Variants in DCP1A observed in about 807,000 individuals in gnomAD.
The protein encoded by DCP1A is decapping mRNA 1A.
A neutral mutation model predicts 58.0 loss-of-function variants in DCP1A; 20 were observed. That is an observed-to-expected ratio of 0.34 (90% CI 0.24 to 0.50). The LOEUF is 0.50. Ranked by LOEUF, DCP1A falls within the 20% of genes least tolerant of loss-of-function variation. The pLI is 0.98. For synonymous variants in DCP1A, 285 were observed against 275.1 expected (o/e 1.04, Z -0.36); for missense variants, 613 against 712.2 (o/e 0.86, Z 1.59).
At chr3:53,332,274 G>C (rs1238601031) in intron 3 of DCP1A, among the ~76,000 whole-genome samples, 2 of 152,192 alleles carry the variant, frequency 1.3e-5, no homozygotes, top group African/African-American at 2.4e-5. Flanking sequence ...TGATGGGAGA[G>C]ATTTTTAGTC....
chr3:53,297,651 C>T (rs1417807263), intron 6 of DCP1A, among the ~76,000 whole-genome samples: 1 of 152,096 alleles, frequency 6.6e-6, no homozygotes, highest in Non-Finnish European at 1.5e-5. Flanking sequence ...CCGTGCCTGG[C>T]CAACAAGACT....
intron 3 of DCP1A, among the ~76,000 whole-genome samples, chr3:53,340,760 T>G (rs2089190338): frequency 6.6e-6 from 1 of 152,224 alleles, no homozygotes; most frequent in Non-Finnish European, 1.5e-5. Flanking sequence ...ATATCCATAC[T>G]AATACACTGG....
chr3:53,302,064 C>G (rs1208500373), intron 6 of DCP1A, among the ~76,000 whole-genome samples: 4 of 152,078 alleles, frequency 2.6e-5, no homozygotes, highest in African/African-American at 9.7e-5. Context: ...AGCATCTTGA[C>G]TGTGGTAGTG....
intron 6 of DCP1A, among the ~76,000 whole-genome samples, chr3:53,299,579 G>C (rs1303099112): frequency 6.6e-6 from 1 of 152,144 alleles, no homozygotes; most frequent in Non-Finnish European, 1.5e-5. Flanking sequence ...CTATAAGATA[G>C]GCACTATTCT....
intron 3 of DCP1A, among the ~76,000 whole-genome samples, chr3:53,323,516 C>G (rs1462165217): frequency 6.6e-6 from 1 of 152,096 alleles, no homozygotes; most frequent in Non-Finnish European, 1.5e-5. Context: ...AATTCGTTTT[C>G]CTTCAATAAG....
At position 53,291,964 on chromosome 3, in the gene DCP1A, C is replaced by T. The variant is rs1400904500; in HGVS notation, c.1383+105G>A. On this transcript the variant is annotated intron_variant, in intron 7 of 9. Coordinates refer to ENST00000610213, the MANE Select transcript of DCP1A (RefSeq NM_018403.7). ...CCTCTGACATACTTTAAAGGGACAA[C>T]TCTAAAAATTGTCATGTCATGACAG... The T allele has an allele frequency of 3.2e-6, 4 of 1,261,852 alleles. No individual in the cohort carries two copies. The African/African-American group carries it at 6.0e-5, about 19-fold the overall frequency. 78.2% of individuals were successfully genotyped at this position (1,261,852 alleles called of 1,614,324 possible). A position where few individuals can be genotyped will look rare whatever the true frequency, so the allele number is the denominator to read the frequency against.
intron 6 of DCP1A, among the ~76,000 whole-genome samples, chr3:53,299,617 A>AGTT (rs1707247491): frequency 2.6e-5 from 4 of 152,216 alleles, no homozygotes; most frequent in Admixed American, 1.3e-4. Flanking sequence ...CAATAACAAA[A>AGTT]TACACTACAG....
intron 3 of DCP1A, among the ~76,000 whole-genome samples, chr3:53,323,657 G>A (rs1373881179): frequency 1.3e-5 from 2 of 151,906 alleles, no homozygotes; most frequent in Admixed American, 1.3e-4. Context: ...CACCTGAGGT[G>A]AGGAGACCAG....
At chr3:53,322,295 T>C (rs1707990428) in intron 3 of DCP1A, among the ~76,000 whole-genome samples, 5 of 151,864 alleles carry the variant, frequency 3.3e-5, no homozygotes, top group Non-Finnish European at 7.4e-5. Flanking sequence ...CTACTAAAAA[T>C]ACAAAAAGTA....
chr3:53,299,596 T>C (rs782534815), intron 6 of DCP1A, among the ~76,000 whole-genome samples: 3 of 152,140 alleles, frequency 2.0e-5, no homozygotes, highest in African/African-American at 4.8e-5. Flanking sequence ...TTCTTGAACA[T>C]AGGAAACAAA....
chr3:53,307,544 C>T (rs1218992130), intron 5 of DCP1A, among the ~76,000 whole-genome samples: 1 of 152,044 alleles, frequency 6.6e-6, no homozygotes, highest in Admixed American at 6.6e-5. Context: ...ATAAAACTGG[C>T]TTATATTGTT....
intron 3 of DCP1A, among the ~76,000 whole-genome samples, chr3:53,322,344 C>T (rs562877630): frequency 1.3e-5 from 2 of 151,644 alleles, no homozygotes; most frequent in African/African-American, 4.8e-5. Context: ...TCCAGCTACT[C>T]GGGAGGCTGA....
At chr3:53,344,853 G>A (rs1553692965) in intron 2 of DCP1A, 49 bp downstream of exon 2, 1 of 1,373,880 alleles carries the variant, frequency 7.3e-7, no homozygotes, top group Non-Finnish European at 1.0e-6. Context: ...GTTTCACATT[G>A]TTCACCACTA....
intron 4 of DCP1A, among the ~76,000 whole-genome samples, chr3:53,316,065 A>C (rs1337231313): frequency 6.6e-6 from 1 of 152,046 alleles, no homozygotes; most frequent in Non-Finnish European, 1.5e-5. Context: ...GGAGTAAATC[A>C]GTTTTTTTAC....
At chr3:53,314,886 G>T (rs914640667) in intron 4 of DCP1A, among the ~76,000 whole-genome samples, 2 of 151,678 alleles carry the variant, frequency 1.3e-5, no homozygotes, top group African/African-American at 4.8e-5. Context: ...TGACTAGGCT[G>T]GTCTTGAACT....
intron 5 of DCP1A, 26 bp from the exon 6 acceptor site, chr3:53,304,316 A>G (rs551995678): frequency 2.6e-6 from 4 of 1,550,956 alleles, no homozygotes; most frequent in Middle Eastern, 1.8e-4. Flanking sequence ...AGAAAAAAAT[A>G]TATCTTGTGA....
At chr3:53,325,912 T>C (rs922706297) in intron 3 of DCP1A, among the ~76,000 whole-genome samples, 15 of 152,086 alleles carry the variant, frequency 9.9e-5, no homozygotes, top group African/African-American at 3.1e-4. Context: ...CTCTGGAAAA[T>C]GTCATTCAAT....
chr3:53,343,184 C>T (rs1553692779), intron 2 of DCP1A, among the ~76,000 whole-genome samples: 1 of 152,172 alleles, frequency 6.6e-6, no homozygotes, highest in Admixed American at 6.5e-5. Context: ...AATGATAAGG[C>T]CTGTGCCTGA....
rs149130433 is a variant in DCP1A, at chr3:53,285,455, A to C, written c.*2125T>G. ...CTTCTGGCTTCTGAATTTTAAGTAAATACTTTGAATATATAAATTTGGGAG... is the reference window on the plus strand; with the variant it reads ...CTTCTGGCTTCTGAATTTTAAGTAACTACTTTGAATATATAAATTTGGGAG... On this transcript the variant is annotated 3_prime_UTR_variant, in exon 10 of 10. Transcript: ENST00000610213. 6.6e-6 allele frequency: 1 copy of C among 152,082 alleles called. No homozygotes were observed. The highest frequency in any genetic ancestry group is 1.5e-5 in the Non-Finnish European group (1 of 68,038). 9.4% of individuals were successfully genotyped at this position (152,082 alleles called of 1,614,324 possible).
Sources: gnomAD v4.1 joint callset for allele counts (sites outside exome capture counted in the v4.1 genomes callset) on GRCh38, gnomAD v4.1.1 for gene constraint, MANE v1.5 for transcripts, NCBI Gene and HGNC (gene_info 2026-07-23, HGNC 2026-07-21) for gene names.